SETBP1: variants seen among roughly 807,000 people sequenced by gnomAD.
SETBP1 encodes the protein SET binding protein 1, also known as SET-binding protein.
Under a neutral mutation model 101.0 loss-of-function variants are expected in SETBP1, and 9 were observed. That is an observed-to-expected ratio of 0.09 (90% CI 0.05 to 0.16). The LOEUF is 0.16. SETBP1 is among the 10% of genes least tolerant of loss of function. The pLI is 1.00. For missense variants in SETBP1, 1,858 were observed against 2,033.8 expected, an observed-to-expected ratio of 0.91 and a Z score of 1.66; for synonymous variants, 818 against 788.5, an observed-to-expected ratio of 1.04 and a Z score of -0.63.
chr18:44,928,406 A>T (rs1207270317), intron 3 of SETBP1, among the ~76,000 whole-genome samples: 1 of 152,184 alleles, frequency 6.6e-6, no homozygotes, highest in Non-Finnish European at 1.5e-5. Context: ...GCATGTGTCT[A>T]TATAGCAGCA....
chr18:44,808,990 C>A (rs1240242266), intron 2 of SETBP1, among the ~76,000 whole-genome samples: 1 of 152,180 alleles, frequency 6.6e-6, no homozygotes, highest in African/African-American at 2.4e-5. Context: ...TAATCATTGG[C>A]AGCAGAATCC....
At chr18:44,943,880 G>C (rs1347229608) in intron 3 of SETBP1, among the ~76,000 whole-genome samples, 1 of 150,266 alleles carries the variant, frequency 6.7e-6, no homozygotes, top group Non-Finnish European at 1.5e-5. Flanking sequence ...TGTTGCCCAG[G>C]CTGCAGTACA....
chr18:44,923,256 G>A (rs1414401840), intron 3 of SETBP1, among the ~76,000 whole-genome samples: 2 of 152,184 alleles, frequency 1.3e-5, no homozygotes, highest in African/African-American at 4.8e-5. Flanking sequence ...TTGCATAAAA[G>A]GTGTGAGTTT....
chr18:44,854,675 C>G (rs1350513892), intron 2 of SETBP1, among the ~76,000 whole-genome samples: 2 of 152,236 alleles, frequency 1.3e-5, no homozygotes, highest in African/African-American at 4.8e-5. Flanking sequence ...CTTAACCTCT[C>G]ATGCCATAGC....
chr18:44,934,347 C>T (rs2145009404), intron 3 of SETBP1, among the ~76,000 whole-genome samples: 1 of 152,228 alleles, frequency 6.6e-6, no homozygotes, highest in South Asian at 2.1e-4. Context: ...CGGGGTTTTG[C>T]CATGTTGGCC....
At chr18:44,848,821 C>T (rs866106855) in intron 2 of SETBP1, among the ~76,000 whole-genome samples, 2 of 152,342 alleles carry the variant, frequency 1.3e-5, no homozygotes, top group Non-Finnish European at 1.5e-5. Flanking sequence ...AAGAGAATTA[C>T]ATTTCTCCAA....
intron 3 of SETBP1, among the ~76,000 whole-genome samples, chr18:44,949,284 G>T (rs1487735533): frequency 1.5e-4 from 23 of 152,292 alleles, no homozygotes; most frequent in South Asian, 1.4e-3. Flanking sequence ...TGGTTACAGT[G>T]GTTCCTGATG....
Position 45,038,576 on chromosome 18 carries a change from A to G in SETBP1, c.4092A>G (p.Pro1364=), listed in dbSNP as rs1258625431. The change falls in exon 5 of 6, where the codon CCA becomes CCG. Residue 1364 remains proline (P), a synonymous_variant. Coordinates refer to ENST00000649279, the MANE Select transcript of SETBP1 (RefSeq NM_015559.3). ...CCACCATGATGACCAGGAAGAAGCC[A>G]GCCGCAGTTGACAGTGTTACAATTC... ...SVPTMMTRKK[P]AAVDSVTIPP... is the part of the protein sequence containing the mutation. 1 of 1,614,212 alleles carries G rather than the reference A, an allele frequency of 6.2e-7. No individual in the cohort carries two copies. Among genetic ancestry groups the G allele is most frequent in the Admixed American group, 1.7e-5 (1 of 60,018 alleles).
At chr18:44,939,835 C>T (rs1222188668) in intron 3 of SETBP1, among the ~76,000 whole-genome samples, 2 of 152,202 alleles carry the variant, frequency 1.3e-5, no homozygotes, top group African/African-American at 2.4e-5. Context: ...TATGTGTTCA[C>T]TGGTCATTCC....
chr18:44,771,034 G>A (rs1357922746), intron 2 of SETBP1, among the ~76,000 whole-genome samples: 1 of 151,884 alleles, frequency 6.6e-6, no homozygotes, highest in African/African-American at 2.4e-5. Flanking sequence ...CACCTTGCAG[G>A]GAGGCCAATA....
intron 4 of SETBP1, among the ~76,000 whole-genome samples, chr18:45,016,729 GCGCACACA>G: frequency 1.6e-5 from 2 of 121,404 alleles, no homozygotes; most frequent in Middle Eastern, 7.8e-3. Flanking sequence ...ACATTGGTGC[GCGCACACA>G]CACACACACA....
rs2069671531 is a variant in SETBP1, at chr18:44,724,815, G to A, written c.486+22983G>A. ...AGAGGCAGACAAGTGGCAAATTCCT[G>A]TTTTCTCCTCTAATTGAGAAAATAT... On this transcript the variant is annotated intron_variant, in intron 2 of 5. Transcript: ENST00000649279. Among the ~76,000 whole-genome samples the A allele has an allele frequency of 2.0e-5, 3 of 152,130 alleles. 1 individual carries two copies. In the South Asian group the frequency reaches 6.2e-4, roughly 31 times the overall value.
Position 44,909,047 on chromosome 18 carries a change from T to G in SETBP1, c.540+39764T>G, listed in dbSNP as rs112341597. Among the ~76,000 whole-genome samples the G allele has an allele frequency of 4.9e-3, 749 of 152,298 alleles. 7 individuals are homozygous for G. Among genetic ancestry groups the G allele is most frequent in the African/African-American group, 0.017 (722 of 41,558 alleles). ...CAGCTTACACAAGGACCAGATTGGT[T>G]CTACTGCCAGGTACCTGTGTTAGAA... On this transcript the variant is annotated intron_variant, in intron 3 of 5. Transcript: ENST00000649279.
At chr18:44,738,576 C>T (rs1357382218) in intron 2 of SETBP1, among the ~76,000 whole-genome samples, 1 of 152,208 alleles carries the variant, frequency 6.6e-6, no homozygotes, top group Middle Eastern at 3.4e-3. Context: ...GAGTTCAAGA[C>T]CAGCCTGCCC....
intron 2 of SETBP1, among the ~76,000 whole-genome samples, chr18:44,743,145 C>T (rs1432474570): frequency 6.6e-6 from 1 of 151,862 alleles, no homozygotes; most frequent in Non-Finnish European, 1.5e-5. Flanking sequence ...TATTTTTGCT[C>T]TTTCTCTCTC....
intron 3 of SETBP1, chr18:44,871,534 T>A (rs1029010570): frequency 3.9e-5 from 6 of 152,238 alleles, no homozygotes; most frequent in African/African-American, 1.4e-4. Context: ...AGAGGTTTTC[T>A]GTTTGTTTTT....
chr18:44,969,967 C>T (rs1399517451), intron 4 of SETBP1: 2 of 153,846 alleles, frequency 1.3e-5, no homozygotes. Flanking sequence ...AGCAGATGTC[C>T]TGAACCTATT....
chr18:45,004,008 G>A (rs1444861923), intron 4 of SETBP1, among the ~76,000 whole-genome samples: 2 of 152,184 alleles, frequency 1.3e-5, no homozygotes, highest in Non-Finnish European at 2.9e-5. Flanking sequence ...GGCATCTGGT[G>A]AGTAGAAGCC....
chr18:44,746,623 A>G (rs1359765323), intron 2 of SETBP1, among the ~76,000 whole-genome samples: 2 of 152,228 alleles, frequency 1.3e-5, no homozygotes, highest in African/African-American at 4.8e-5. Context: ...AGTGCTCAGA[A>G]CATGCAAGGC....
Sources: gnomAD v4.1 joint callset for allele counts (sites outside exome capture counted in the v4.1 genomes callset) on GRCh38, gnomAD v4.1.1 for gene constraint, MANE v1.5 for transcripts, NCBI Gene and HGNC (gene_info 2026-07-23, HGNC 2026-07-21) for gene names.